Variants in ADAMTSL1 observed in about 807,000 individuals in gnomAD.
ADAMTSL1 encodes ADAMTS-like protein 1.
In ADAMTSL1, 126 loss-of-function variants were observed where a neutral mutation model predicts 201.8. The observed-to-expected ratio is 0.62, with a 90% CI of 0.54 to 0.72. ADAMTSL1 has a LOEUF of 0.72. ADAMTSL1 is among the 30% of genes least tolerant of loss of function. ADAMTSL1 has a pLI of 0.00. For missense variants in ADAMTSL1, 2,679 were observed against 2,277.8 expected, an observed-to-expected ratio of 1.18 and a Z score of -3.59; for synonymous variants, 1,121 against 903.4, an observed-to-expected ratio of 1.24 and a Z score of -4.32.
intron 1 of ADAMTSL1, among the ~76,000 whole-genome samples, chr9:18,046,468 A>C (rs1188956328): frequency 6.6e-6 from 1 of 152,184 alleles, no homozygotes; most frequent in Non-Finnish European, 1.5e-5. Flanking sequence ...TTGCATTATC[A>C]ACCACTTCTA....
intron 1 of ADAMTSL1, among the ~76,000 whole-genome samples, chr9:17,971,923 C>A (rs1379236041): frequency 6.6e-6 from 1 of 151,656 alleles, no homozygotes; most frequent in Non-Finnish European, 1.5e-5. Flanking sequence ...TCCTTCATAT[C>A]TTTCTTTTTA....
intron 26 of ADAMTSL1, among the ~76,000 whole-genome samples, chr9:18,897,626 TA>T (rs767714258): frequency 6.6e-6 from 1 of 152,200 alleles, no homozygotes; most frequent in Non-Finnish European, 1.5e-5. Flanking sequence ...GCAGCAGCCC[TA>T]CAGAAGAGTG....
intron 2 of ADAMTSL1, among the ~76,000 whole-genome samples, chr9:18,211,717 C>A (rs759344944): frequency 2.4e-4 from 36 of 152,194 alleles, no homozygotes; most frequent in Non-Finnish European, 5.3e-4. Context: ...CCTTCAGCAT[C>A]TGAAGCTAAA....
At chr9:18,430,191 G>A (rs1005995099) in intron 2 of ADAMTSL1, among the ~76,000 whole-genome samples, 16 of 152,202 alleles carry the variant, frequency 1.1e-4, no homozygotes, top group Admixed American at 1.0e-3. Context: ...AAGGTCCAGA[G>A]TTGGGCCTGA....
chr9:18,033,279 C>T (rs530425129), intron 1 of ADAMTSL1, among the ~76,000 whole-genome samples: 21 of 152,204 alleles, frequency 1.4e-4, no homozygotes, highest in Admixed American at 6.5e-4. Flanking sequence ...ATAAGTCTGT[C>T]ATCTAATGGG....
chr9:18,636,007 TG>T lies in ADAMTSL1; in HGVS notation c.667del (p.Asp223IlefsTer43). The T allele has an allele frequency of 6.3e-7, 1 of 1,595,436 alleles. No homozygotes were observed. Among genetic ancestry groups the T allele is most frequent in the Admixed American group, 1.9e-5 (1 of 53,810 alleles). ...RHIRLVLKGP[D>X]HLYLETKTLQ... Reference sequence around the variant, plus strand: ...ATATTCGCCTTGTCTTAAAAGGTCCTGATCACTTATGTAAGTAACTCCATTG... The same window carrying T: ...ATATTCGCCTTGTCTTAAAAGGTCCTATCACTTATGTAAGTAACTCCATTG... On this transcript the variant is annotated frameshift_variant, in exon 6 of 29. Transcript: ENST00000380548. LOFTEE classifies it high-confidence loss of function.
intron 2 of ADAMTSL1, among the ~76,000 whole-genome samples, chr9:18,237,057 A>T (rs1228127306): frequency 6.6e-6 from 1 of 152,226 alleles, no homozygotes; most frequent in Non-Finnish European, 1.5e-5. Flanking sequence ...ATATTTAGTA[A>T]CATTTTTTGT....
chr9:18,575,751 T>C (rs1446023141), intron 4 of ADAMTSL1, among the ~76,000 whole-genome samples: 1 of 152,208 alleles, frequency 6.6e-6, no homozygotes, highest in East Asian at 1.9e-4. Flanking sequence ...GAAAATATGC[T>C]TGATCTCCTG....
intron 21 of ADAMTSL1, among the ~76,000 whole-genome samples, chr9:18,821,987 A>G (rs1227395015): frequency 2.6e-5 from 4 of 152,346 alleles, no homozygotes; most frequent in East Asian, 3.9e-4. Context: ...ACCACCCAGT[A>G]TGACTAAGCT....
intron 2 of ADAMTSL1, among the ~76,000 whole-genome samples, chr9:18,219,296 A>G (rs535465657): frequency 1.3e-4 from 20 of 151,624 alleles, no homozygotes; most frequent in Non-Finnish European, 2.2e-4. Flanking sequence ...TATCTTCATG[A>G]TATTTTATCC....
intron 23 of ADAMTSL1, among the ~76,000 whole-genome samples, chr9:18,853,918 T>TGCGC (rs1554648786): frequency 2.8e-5 from 4 of 145,382 alleles, no homozygotes; most frequent in African/African-American, 7.5e-5. Context: ...TGTGTGTGTG[T>TGCGC]GCGCGTGCAT....
In ADAMTSL1 at chr9:18,533,244, T is replaced by A; in HGVS notation, c.192-3T>A. Reference sequence around the variant, plus strand: ...ATATTTCTTTTTTCTTTTTGCAACTTAGGAGCTGTGAAGGAAGAAATATCC... The same window carrying A: ...ATATTTCTTTTTTCTTTTTGCAACTAAGGAGCTGTGAAGGAAGAAATATCC... On this transcript the variant is annotated splice_polypyrimidine_tract_variant and splice_region_variant and intron_variant, in intron 2 of 28. Transcript: ENST00000380548. 2 of 1,605,764 alleles carry A rather than the reference T, an allele frequency of 1.2e-6. No individual in the cohort carries two copies. Among genetic ancestry groups the A allele is most frequent in the Non-Finnish European group, 8.5e-7 (1 of 1,176,246 alleles).
At chr9:18,281,342 C>A (rs1412079644) in intron 2 of ADAMTSL1, among the ~76,000 whole-genome samples, 4 of 152,130 alleles carry the variant, frequency 2.6e-5, no homozygotes, top group African/African-American at 9.7e-5. Flanking sequence ...AAGCAAGAGC[C>A]TGGGCTCCAG....
chr9:18,676,050 G>A lies in ADAMTSL1; in HGVS notation c.1136+143G>A. On this transcript the variant is annotated intron_variant, in intron 10 of 28. Transcript: ENST00000380548. Reference sequence around the variant, plus strand: ...GATGGTATATTTTGCAATCCATCCTGAGTTCTGCTTTTGAATAATACTAGC... The same window carrying A: ...GATGGTATATTTTGCAATCCATCCTAAGTTCTGCTTTTGAATAATACTAGC... The A allele has an allele frequency of 8.6e-6, 7 of 809,428 alleles. No individual in the cohort carries two copies. The Admixed American group carries it at 1.6e-4, about 19-fold the overall frequency. The allele number at this position is 809,428 out of a possible 1,614,324, so 50.1% of individuals were successfully genotyped here.
intron 16 of ADAMTSL1, among the ~76,000 whole-genome samples, chr9:18,762,652 C>A (rs941561883): frequency 6.6e-6 from 1 of 151,316 alleles, no homozygotes; most frequent in African/African-American, 2.4e-5. Flanking sequence ...CCCCTCACTA[C>A]CCTTCCTAGT....
chr9:18,734,560 G>A (rs186285052), intron 15 of ADAMTSL1, among the ~76,000 whole-genome samples: 64 of 152,200 alleles, frequency 4.2e-4, no homozygotes, highest in Admixed American at 1.0e-3. Flanking sequence ...CCTGGGCCGC[G>A]CACTAACAGC....
At chr9:17,918,073 G>C (rs1343182725) in intron 1 of ADAMTSL1, among the ~76,000 whole-genome samples, 1 of 151,692 alleles carries the variant, frequency 6.6e-6, no homozygotes, top group Non-Finnish European at 1.5e-5. Flanking sequence ...CTGCTTCATA[G>C]CTTATCAATT....
chr9:18,272,818 T>C (rs1832434070), intron 2 of ADAMTSL1, among the ~76,000 whole-genome samples: 1 of 152,210 alleles, frequency 6.6e-6, no homozygotes, highest in African/African-American at 2.4e-5. Flanking sequence ...CCGTGAAGCC[T>C]TTCCTTAGTA....
intron 20 of ADAMTSL1, among the ~76,000 whole-genome samples, chr9:18,810,909 G>A (rs1030641661): frequency 2.7e-5 from 4 of 146,912 alleles, no homozygotes; most frequent in Admixed American, 7.0e-5. Context: ...ACTGACCAAA[G>A]ACCTTGGAAA....
Sources: allele counts gnomAD v4.1 joint callset (sites outside exome capture counted in the v4.1 genomes callset), GRCh38; gene constraint gnomAD v4.1.1; transcripts MANE v1.5; gene names NCBI Gene and HGNC (gene_info 2026-07-23, HGNC 2026-07-21).